ACOX3: variants seen among roughly 807,000 people sequenced by gnomAD.
The protein encoded by ACOX3 is peroxisomal acyl-coenzyme A oxidase 3.
ACOX3 carries 73 observed loss-of-function variants against 81.5 expected under a neutral mutation model. That is an observed-to-expected ratio of 0.90 (90% CI 0.74 to 1.09). The LOEUF (loss-of-function observed/expected upper bound fraction) is 1.09, where lower values mean the gene tolerates loss of function less well. ACOX3 is among the 50% of genes least tolerant of loss of function. The pLI is 0.00. For missense variants in ACOX3, 947 were observed against 928.0 expected, an observed-to-expected ratio of 1.02 and a Z score of -0.27; for synonymous variants, 387 against 375.1, an observed-to-expected ratio of 1.03 and a Z score of -0.37.
At chr4:8,376,822 G>T (rs1031607773) in intron 14 of ACOX3, among the ~76,000 whole-genome samples, 1 of 150,722 alleles carries the variant, frequency 6.6e-6, no homozygotes, top group Non-Finnish European at 1.5e-5. Flanking sequence ...ATCTGGACTT[G>T]CTCTGGGGCA....
chr4:8,421,080 G>T (rs1722889777), intron 1 of ACOX3, among the ~76,000 whole-genome samples: 2 of 152,170 alleles, frequency 1.3e-5, no homozygotes, highest in Admixed American at 6.5e-5. Flanking sequence ...TTTGGAAGCG[G>T]CCCACCACCA....
rs535604711 is a variant in ACOX3, at chr4:8,373,754, T to C, written c.1829-126A>G. The C allele has an allele frequency of 9.0e-6, 7 of 782,014 alleles. No homozygotes were observed. In the East Asian group the frequency reaches 1.9e-4, roughly 21 times the overall value. 48.4% of individuals were successfully genotyped at this position (782,014 alleles called of 1,614,324 possible). A position where few individuals can be genotyped will look rare whatever the true frequency, so the allele number is the denominator to read the frequency against. On this transcript the variant is annotated intron_variant, in intron 15 of 17. Transcript: ENST00000356406. The stretch of plus-strand genomic sequence containing the variant: ...GGCCTGTTTTGGGTGAACACATCAG[T>C]GTCATTGCTGTCCCCAGCCCAGATG...
chr4:8,427,452 C>G (rs926904339), intron 1 of ACOX3, among the ~76,000 whole-genome samples: 2 of 152,332 alleles, frequency 1.3e-5, no homozygotes, highest in Admixed American at 6.5e-5. Context: ...ACTTCCACCC[C>G]CCTCCAGATC....
chr4:8,382,673 C>T lies in ACOX3; in HGVS notation c.1538-1066G>A, dbSNP rs1394494958. Among the ~76,000 whole-genome samples the T allele has an allele frequency of 2.0e-5, 3 of 152,202 alleles. No individual in the cohort carries two copies. The highest frequency in any genetic ancestry group is 7.2e-5 in the African/African-American group (3 of 41,452). On this transcript the variant is annotated intron_variant, in intron 13 of 17. Transcript: ENST00000356406. This position sits in a 1 kb window ranked among gnomAD's most constrained non-coding sequence, Gnocchi z 4.1. ...TGGGGCTTGGGATTTCCTTCTATGT[C>T]ACACAGCCCAGGTCACTGGGAAGAA...
chr4:8,372,709 C>G (rs1716375106), intron 16 of ACOX3, among the ~76,000 whole-genome samples: 1 of 152,244 alleles, frequency 6.6e-6, no homozygotes, highest in Admixed American at 6.5e-5. Context: ...GGACGTTCCA[C>G]TGGTCCCAGA....
intron 7 of ACOX3, among the ~76,000 whole-genome samples, chr4:8,404,170 C>T (rs1002231416): frequency 5.5e-4 from 84 of 152,220 alleles, no homozygotes; most frequent in African/African-American, 1.9e-3. Flanking sequence ...CTGGGGCTTC[C>T]CGCTGCCCTG....
At chr4:8,355,782 T>C in the ACOX3 span, 1 of 152,354 alleles carries the variant, frequency 6.6e-6, no homozygotes, top group East Asian at 1.9e-4. Flanking sequence ...TTACAGTGAA[T>C]ATGTTACAGG....
chr4:8,383,826 A>C (rs1717986356), intron 13 of ACOX3, among the ~76,000 whole-genome samples: 1 of 152,170 alleles, frequency 6.6e-6, no homozygotes, highest in Non-Finnish European at 1.5e-5. Flanking sequence ...GCAACATCCC[A>C]AGCTCTCCCC....
rs565713308 is a variant in ACOX3 at position 8,430,496 on chromosome 4, G to A, written c.-15+10152C>T. Among the ~76,000 whole-genome samples the A allele has an allele frequency of 2.6e-5, 4 of 152,306 alleles. No individual in the cohort carries two copies. The South Asian group carries it at 8.3e-4, about 32-fold the overall frequency. Reference sequence around the variant, plus strand: ...TATTGCAGAACTCACACCTCCTTTAGGTCACAATTTCTGCCAAAATTACAA... The same window carrying A: ...TATTGCAGAACTCACACCTCCTTTAAGTCACAATTTCTGCCAAAATTACAA... On this transcript the variant is annotated intron_variant, in intron 1 of 17. Coordinates refer to ENST00000356406, the MANE Select transcript of ACOX3 (RefSeq NM_003501.3). The surrounding 1 kb of genome is among the most constrained non-coding windows in gnomAD (Gnocchi z 5.2).
chr4:8,367,768 G>A (rs113606765), intron 17 of ACOX3, among the ~76,000 whole-genome samples: 6,120 of 117,384 alleles, frequency 0.052, 215 homozygotes, highest in African/African-American at 0.13. Flanking sequence ...TCAGGAGCTT[G>A]AGACCAGCCT....
chr4:8,355,316 G>C, the ACOX3 span: 1 of 152,190 alleles, frequency 6.6e-6, no homozygotes, highest in African/African-American at 2.4e-5. Context: ...TTTTGGAAAA[G>C]ATGAGAAACG....
rs543144345 is a variant in ACOX3 at position 8,429,737 on chromosome 4, C to T, written c.-15+10911G>A. On this transcript the variant is annotated intron_variant, in intron 1 of 17. Coordinates refer to ENST00000356406, the MANE Select transcript of ACOX3 (RefSeq NM_003501.3). ...TTAGTAAAAACAAGGTTGGGCATTA[C>T]AACAGAATCAACTAGACTTAGCAAT... Among the ~76,000 whole-genome samples the T allele has an allele frequency of 1.1e-4, 16 of 151,930 alleles. No homozygotes were observed. The East Asian group carries it at 2.9e-3, about 28-fold the overall frequency.
intron 13 of ACOX3, among the ~76,000 whole-genome samples, chr4:8,383,824 C>A (rs1371015828): frequency 6.6e-6 from 1 of 152,182 alleles, no homozygotes; most frequent in African/African-American, 2.4e-5. Flanking sequence ...CTGCAACATC[C>A]CAAGCTCTCC....
At position 8,399,182 on chromosome 4, in the gene ACOX3, C is replaced by T. The variant is rs191333119; in HGVS notation, c.873+374G>A. 5.0e-4 allele frequency among the ~76,000 whole-genome samples: 76 copies of T among 152,324 alleles called. 1 individual carries two copies. The highest frequency in any genetic ancestry group is 1.6e-3 in the African/African-American group (68 of 41,572). ...CTGCTCTCCGTGAACTTAAGCCAGG[C>T]GTGAGTTCTGGACACCGGGGAACTC... On this transcript the variant is annotated intron_variant, in intron 8 of 17. Transcript: ENST00000356406. This position sits in a 1 kb window ranked among gnomAD's most constrained non-coding sequence, Gnocchi z 4.9.
At chr4:8,356,446 T>C in the ACOX3 span, 1 of 424,484 alleles carries the variant, frequency 2.4e-6, no homozygotes, top group Admixed American at 2.4e-5. Flanking sequence ...TCTCCATCTC[T>C]CAGGAGGAAG....
chr4:8,391,357 A>C (rs1718980163), intron 11 of ACOX3, among the ~76,000 whole-genome samples: 1 of 152,190 alleles, frequency 6.6e-6, no homozygotes, highest in Non-Finnish European at 1.5e-5. Context: ...ATGATCGCTG[A>C]AAGTGTGTGT....
rs139956494 is a variant in ACOX3, at chr4:8,406,440, C to G, written c.688-397G>C. On this transcript the variant is annotated intron_variant, in intron 6 of 17. Transcript: ENST00000356406. The surrounding 1 kb of genome is among the most constrained non-coding windows in gnomAD (Gnocchi z 5.6). ...CCCACAGGGTCAGTGGGTTTCTCCC[C>G]GTGTGTGGAGACAAGAGAGCATAGA... 6.6e-6 allele frequency among the ~76,000 whole-genome samples: 1 copy of G among 152,054 alleles called. No individual in the cohort carries two copies. The highest frequency in any genetic ancestry group is 1.5e-5 in the Non-Finnish European group (1 of 68,010).
Position 8,405,860 on chromosome 4 carries a change from T to C in ACOX3, c.776+95A>G. The C allele has an allele frequency of 5.6e-6, 7 of 1,247,144 alleles. No individual in the cohort carries two copies. The highest frequency in any genetic ancestry group is 8.2e-6 in the Non-Finnish European group (7 of 849,508). The allele number at this position is 1,247,144 out of a possible 1,614,324, so 77.3% of individuals were successfully genotyped here. Reference sequence around the variant, plus strand: ...CATTTGAGTCTAAGAGGGCAGGGCATGGCATCCATGGGGCCAGTGAGATCT... The same window carrying C: ...CATTTGAGTCTAAGAGGGCAGGGCACGGCATCCATGGGGCCAGTGAGATCT... On this transcript the variant is annotated intron_variant, in intron 7 of 17. Transcript: ENST00000356406. This position sits in a 1 kb window ranked among gnomAD's most constrained non-coding sequence, Gnocchi z 7.1.
rs1200365829 is a variant in ACOX3 at position 8,381,801 on chromosome 4, C to T, written c.1538-194G>A. Among the ~76,000 whole-genome samples, 2 of 152,202 alleles carry T rather than the reference C, an allele frequency of 1.3e-5. No individual in the cohort carries two copies. The highest frequency in any genetic ancestry group is 4.8e-5 in the African/African-American group (2 of 41,458). ...CACAGGGAGGGCACCTGCCCAGGGC[C>T]CCCCTGGCTGGAGGCACTTCCTGGC... On this transcript the variant is annotated intron_variant, in intron 13 of 17. Coordinates refer to ENST00000356406, the MANE Select transcript of ACOX3 (RefSeq NM_003501.3). The surrounding 1 kb of genome is among the most constrained non-coding windows in gnomAD (Gnocchi z 4.3).
Sources: allele counts gnomAD v4.1 joint callset (sites outside exome capture counted in the v4.1 genomes callset), GRCh38; gene constraint gnomAD v4.1.1; non-coding constraint Gnocchi (gnomAD v3.1); transcripts MANE v1.5; gene names NCBI Gene and HGNC (gene_info 2026-07-23, HGNC 2026-07-21).